TMEM184A: variants seen among roughly 807,000 people sequenced by gnomAD.
TMEM184A encodes sexually dimorphic, expressed in male gonads 1.
A neutral mutation model predicts 39.5 loss-of-function variants in TMEM184A; 40 were observed. The observed-to-expected ratio is 1.01, with a 90% CI of 0.79 to 1.32. TMEM184A has a LOEUF of 1.32. Ranked by LOEUF, TMEM184A falls within the 40% of genes most tolerant of loss-of-function variation. The probability of loss-of-function intolerance (pLI) is 0.00; values close to 1 mark genes in which losing one functional copy is unlikely to be tolerated. For missense variants in TMEM184A, 603 were observed against 568.8 expected (o/e 1.06, Z -0.61); for synonymous variants, 280 against 252.3 (o/e 1.11, Z -1.04).
Position 1,550,820 on chromosome 7 carries a change from C to T in TMEM184A, c.382G>A (p.Glu128Lys), listed in dbSNP as rs762642921. The change falls in exon 3 of 9, where the codon GAA (glutamate) becomes AAA (lysine). Residue 128 changes from glutamate to lysine, a missense_variant. Glu to Lys is a moderately conservative substitution (Grantham distance 56). Transcript: ENST00000297477. ...VYFDSVRDCYEAFVIYSFLSL... is the reference protein window; with the variant it reads ...VYFDSVRDCYKAFVIYSFLSL... ...CCTGACGCAGCCTGGCGCCCACCTT[C>T]GTAGCAGTCCCGCACAGAGTCGAAG... is the stretch of plus-strand genomic sequence containing the variant. The T allele has an allele frequency of 2.0e-5, 32 of 1,612,688 alleles. No homozygotes were observed. The highest frequency in any genetic ancestry group is 2.5e-5 in the Non-Finnish European group (29 of 1,179,856).
At chr7:1,552,933 C>T (rs1289105373) in intron 2 of TMEM184A, among the ~76,000 whole-genome samples, 2 of 151,890 alleles carry the variant, frequency 1.3e-5, no homozygotes, top group East Asian at 2.0e-4. Flanking sequence ...CGGGCGCCTG[C>T]AGTCCCAGCT....
In TMEM184A at chr7:1,547,007, C is replaced by T. The variant is rs754101350; in HGVS notation, c.1187G>A (p.Ser396Asn). The T allele has an allele frequency of 5.7e-6, 9 of 1,566,756 alleles. No individual in the cohort carries two copies. The East Asian group carries it at 7.0e-5, about 12-fold the overall frequency. Residue 396 changes from serine (S) to asparagine (N), a missense_variant, in exon 9 of 9, where the codon AGC (serine) becomes AAC (asparagine). Physicochemically the swap from Ser to Asn is conservative, Grantham distance 46 (BLOSUM62 1). Coordinates refer to ENST00000297477, the MANE Select transcript of TMEM184A (RefSeq NM_001097620.2). ...GTHPSGGSGG[S>N]RKSRSLEKRM... ...CTTCTCCAGGCTCCGGCTCTTCCTG[C>T]TCCCGCCGGAGCCGCCGCTGGGGTG...
rs992125462 is a variant in TMEM184A at position 1,543,621 on chromosome 7, G to C, written c.*3331C>G. 6.6e-6 allele frequency: 1 copy of C among 152,334 alleles called. No individual in the cohort carries two copies. The highest frequency in any genetic ancestry group is 2.4e-5 in the African/African-American group (1 of 41,442). The allele number at this position is 152,334 out of a possible 1,614,324, so 9.4% of individuals were successfully genotyped here. A position where few individuals can be genotyped will look rare whatever the true frequency, so the allele number is the denominator to read the frequency against. ...ACGCTGTTCAGTGCTGGACCACGCA[G>C]GGTGAAATCCCAACTCGAGTTTTTT... On this transcript the variant is annotated 3_prime_UTR_variant, in exon 9 of 9. Transcript: ENST00000297477.
rs1404766485 is a variant in TMEM184A at position 1,549,896 on chromosome 7, A to G, written c.602T>C (p.Ile201Thr). ...GTATTTGCCAAATGCCTGGAGGATG[A>G]TGGTGGTGACGGCCATGACGGGCTT... ...LVKPVMAVTT[I>T]ILQAFGKYHD... The change falls in exon 6 of 9, where the codon ATC (isoleucine) becomes ACC (threonine). Residue 201 changes from isoleucine (I) to threonine (T), a missense_variant. By Grantham distance (89) the Ile-to-Thr change is moderately conservative. Transcript: ENST00000297477. The G allele has an allele frequency of 3.1e-6, 5 of 1,612,184 alleles. No individual in the cohort carries two copies. In the South Asian group the frequency reaches 4.4e-5, roughly 14 times the overall value.
intron 2 of TMEM184A, among the ~76,000 whole-genome samples, chr7:1,552,927 C>T (rs1373887683): frequency 2.0e-5 from 3 of 151,960 alleles, no homozygotes; most frequent in African/African-American, 7.2e-5. Flanking sequence ...TGGTGGCGGG[C>T]GCCTGCAGTC....
rs538749800 is a variant in TMEM184A, at chr7:1,543,048, T to A, written c.*3904A>T. 2 of 152,630 alleles carry A rather than the reference T, an allele frequency of 1.3e-5. No individual in the cohort carries two copies. The highest frequency in any genetic ancestry group is 2.9e-5 in the Non-Finnish European group (2 of 68,064). 9.5% of individuals were successfully genotyped at this position (152,630 alleles called of 1,614,324 possible). A position where few individuals can be genotyped will look rare whatever the true frequency, so the allele number is the denominator to read the frequency against. ...AAAGAATTTTCTGGTTTCAGACCCT[T>A]TCGTTGCGTAGCTGGTGCTTTCAGC... On this transcript the variant is annotated 3_prime_UTR_variant, in exon 9 of 9. Transcript: ENST00000297477.
In TMEM184A at chr7:1,547,744, G is replaced by C. The variant is rs1427362736; in HGVS notation, c.1010C>G (p.Pro337Arg). The C allele has an allele frequency of 6.2e-7, 1 of 1,611,736 alleles. No individual in the cohort carries two copies. The highest frequency in any genetic ancestry group is 8.5e-7 in the Non-Finnish European group (1 of 1,179,374). ...QVYAEKKENSPAPPAPMQSIS... is the reference protein window; with the variant it reads ...QVYAEKKENSRAPPAPMQSIS... Reference sequence around the variant, plus strand: ...CCCAGCTGGAAGGCAGGGTGTACCTGGTGAATTCTCCTTCTTCTCTGCGTA... The same window carrying C: ...CCCAGCTGGAAGGCAGGGTGTACCTCGTGAATTCTCCTTCTTCTCTGCGTA... The change falls in exon 8 of 9, where the codon CCA (proline) becomes CGA (arginine). Residue 337 changes from proline (P) to arginine (R), a missense_variant and splice_region_variant. Pro to Arg is a moderately radical substitution (Grantham distance 103). Transcript: ENST00000297477.
chr7:1,552,333 C>A (rs756407472), intron 2 of TMEM184A, among the ~76,000 whole-genome samples: 1 of 152,048 alleles, frequency 6.6e-6, no homozygotes, highest in Non-Finnish European at 1.5e-5. Flanking sequence ...CAGTGTGCAG[C>A]GCGATGTCTG....
rs1204291427 is a variant in TMEM184A, at chr7:1,550,406, C to T, written c.386-11G>A. 2 of 1,607,280 alleles carry T rather than the reference C, an allele frequency of 1.2e-6. No homozygotes were observed. The highest frequency in any genetic ancestry group is 1.7e-6 in the Non-Finnish European group (2 of 1,176,766). ...TGTAAATGACAAAGGCTGCAGGGAGCACAGAGGGGGACCGGCTGTGAGCCC... is the reference window on the plus strand; with the variant it reads ...TGTAAATGACAAAGGCTGCAGGGAGTACAGAGGGGGACCGGCTGTGAGCCC... On this transcript the variant is annotated splice_polypyrimidine_tract_variant and intron_variant, in intron 3 of 8. Transcript: ENST00000297477.
rs554780416 is a variant in TMEM184A, at chr7:1,552,614, C to T, written c.220-1632G>A. On this transcript the variant is annotated intron_variant, in intron 2 of 8. Transcript: ENST00000297477. ...CTCACTCATTCCTTCATTCAGCAGGCGTTTCTAGAGCCCAGCTAAGTGTCC... is the reference window on the plus strand; with the variant it reads ...CTCACTCATTCCTTCATTCAGCAGGTGTTTCTAGAGCCCAGCTAAGTGTCC... Among the ~76,000 whole-genome samples the T allele has an allele frequency of 2.6e-5, 4 of 151,290 alleles. No homozygotes were observed. The South Asian group carries it at 8.4e-4, about 32-fold the overall frequency.
rs111757017 is a variant in TMEM184A at position 1,551,000 on chromosome 7, C to T, written c.220-18G>A. 26 of 1,602,720 alleles carry T rather than the reference C, an allele frequency of 1.6e-5. No individual in the cohort carries two copies. In the East Asian group the frequency reaches 4.7e-4, roughly 29 times the overall value. On this transcript the variant is annotated intron_variant, in intron 2 of 8. Transcript: ENST00000297477. The stretch of plus-strand genomic sequence containing the variant: ...AGATAGATCTGGGCGCAGGAGGGGT[C>T]GCATGAGAGCCGGGCCCGCCTGGTA...
In TMEM184A at chr7:1,548,644, G is replaced by A; in HGVS notation, c.689C>T (p.Ser230Phe). Residue 230 changes from serine to phenylalanine, a missense_variant, in exon 7 of 9, where the codon TCC becomes TTC. By Grantham distance (155) the Ser-to-Phe change is radical. Transcript: ENST00000297477. Reference sequence around the variant, plus strand: ...CAGGGCGTAGAGGGCGAGGCTGACGGAGGCGTTGTAGATGAGGGTCACATA... The same window carrying A: ...CAGGGCGTAGAGGGCGAGGCTGACGAAGGCGTTGTAGATGAGGGTCACATA... ...YLYVTLIYNASVSLALYALFL... is the reference protein window; with the variant it reads ...YLYVTLIYNAFVSLALYALFL... 6.2e-7 allele frequency: 1 copy of A among 1,613,938 alleles called. No individual in the cohort carries two copies. Among genetic ancestry groups the A allele is most frequent in the Non-Finnish European group, 8.5e-7 (1 of 1,179,984 alleles).
In TMEM184A at chr7:1,555,446, G is replaced by GA; in HGVS notation, c.38dup (p.Leu15ProfsTer138). 1.2e-6 allele frequency: 2 copies of GA among 1,610,070 alleles called. No homozygotes were observed. Among genetic ancestry groups the GA allele is most frequent in the Non-Finnish European group, 1.7e-6 (2 of 1,179,752 alleles). The stretch of plus-strand genomic sequence containing the variant: ...GCGGCCAGTTCGCTGACACCAGGGG[G>GA]ACGCCGGCTGTCTCCAGGATCCCTG... On this transcript the variant is annotated frameshift_variant, in exon 2 of 9. Transcript: ENST00000297477. LOFTEE classifies it high-confidence loss of function. This position sits in a 1 kb window ranked among gnomAD's most constrained non-coding sequence, Gnocchi z 5.2.
intron 7 of TMEM184A, 149 bp from the exon 8 acceptor site, chr7:1,548,088 G>T: frequency 2.1e-6 from 2 of 932,300 alleles, no homozygotes; most frequent in Non-Finnish European, 3.2e-6. Context: ...GTTCAGGGGG[G>T]CAGGGCGCCT....
rs139449337 is a variant in TMEM184A, at chr7:1,550,147, G to T, written c.528C>A (p.Ile176=). Residue 176 remains isoleucine, a synonymous_variant, in exon 5 of 9, where the codon ATC becomes ATA. Transcript: ENST00000297477. ...TCCLRGMTYS[I]GFLRFCKQAT... ...CCTGCTTACAGAAGCGCAGGAACCCGATGGAGTAGGTCATGCCCCGGAGGC... is the reference window on the plus strand; with the variant it reads ...CCTGCTTACAGAAGCGCAGGAACCCTATGGAGTAGGTCATGCCCCGGAGGC... The T allele has an allele frequency of 1.2e-6, 2 of 1,607,172 alleles. No individual in the cohort carries two copies. The highest frequency in any genetic ancestry group is 1.1e-5 in the South Asian group (1 of 90,320).
At chr7:1,548,457 C>A (rs1468880051) in intron 7 of TMEM184A, 62 bp downstream of exon 7, 2 of 1,553,834 alleles carry the variant, frequency 1.3e-6, no homozygotes, top group Non-Finnish European at 1.7e-6. Context: ...TGAGGTGACC[C>A]CAGGCTCACT....
At chr7:1,547,633 C>A in intron 8 of TMEM184A, 109 bp downstream of exon 8, 1 of 1,230,360 alleles carries the variant, frequency 8.1e-7, no homozygotes, top group Non-Finnish European at 1.2e-6. Flanking sequence ...GCCCGTCTCC[C>A]TGCCCAGCGA....
Position 1,555,794 on chromosome 7 carries a change from G to A in TMEM184A, c.1-310C>T, listed in dbSNP as rs1015700267. Among the ~76,000 whole-genome samples the A allele has an allele frequency of 1.3e-5, 2 of 152,202 alleles. No individual in the cohort carries two copies. Among genetic ancestry groups the A allele is most frequent in the South Asian group, 2.1e-4 (1 of 4,834 alleles). ...GCCTGCTTCTTAGGGGACAAAGACC[G>A]TCTTCCAGTGGGGCAGAAGAGGGGG... On this transcript the variant is annotated intron_variant, in intron 1 of 8. Transcript: ENST00000297477. This position sits in a 1 kb window ranked among gnomAD's most constrained non-coding sequence, Gnocchi z 5.2.
At position 1,547,008 on chromosome 7, in the gene TMEM184A, TCC is replaced by T. The variant is rs774375068; in HGVS notation, c.1184_1185del (p.Gly395GlufsTer28). The T allele has an allele frequency of 3.2e-6, 5 of 1,560,682 alleles. No homozygotes were observed. Among genetic ancestry groups the T allele is most frequent in the Non-Finnish European group, 4.3e-6 (5 of 1,160,868 alleles). On this transcript the variant is annotated frameshift_variant, in exon 9 of 9. Coordinates refer to ENST00000297477, the MANE Select transcript of TMEM184A (RefSeq NM_001097620.2). LOFTEE classifies it high-confidence loss of function. ...PGTHPSGGSG[G>X]SRKSRSLEKR... The stretch of plus-strand genomic sequence containing the variant: ...TTCTCCAGGCTCCGGCTCTTCCTGC[TCC>T]CGCCGGAGCCGCCGCTGGGGTGGGT...
Sources: allele counts gnomAD v4.1 joint callset (sites outside exome capture counted in the v4.1 genomes callset), GRCh38; gene constraint gnomAD v4.1.1; non-coding constraint Gnocchi (gnomAD v3.1); transcripts MANE v1.5; gene names NCBI Gene and HGNC (gene_info 2026-07-23, HGNC 2026-07-21).